PILRA: variants seen among roughly 807,000 people sequenced by gnomAD.
PILRA encodes paired immunoglobulin-like type 2 receptor alpha.
Under a neutral mutation model 33.1 loss-of-function variants are expected in PILRA, and 37 were observed. The ratio of observed to expected loss-of-function variants is 1.12; its 90% CI spans 0.86 to 1.47. The LOEUF is 1.47. Among genes scored for constraint, PILRA ranks in the 40% most tolerant of loss-of-function variants. PILRA has a pLI of 0.00. For synonymous variants in PILRA, 146 were observed against 149.9 expected (o/e 0.97, Z 0.19); for missense variants, 312 against 376.2 (o/e 0.83, Z 1.41).
At chr7:100,383,581 A>G (rs1791171865) in intron 2 of PILRA, among the ~76,000 whole-genome samples, 1 of 151,578 alleles carries the variant, frequency 6.6e-6, no homozygotes, top group Non-Finnish European at 1.5e-5. Flanking sequence ...TCTGAGTGCC[A>G]TGGGAGCGAA....
chr7:100,376,976 C>G (rs1660599130), intron 2 of PILRA, among the ~76,000 whole-genome samples: 1 of 151,472 alleles, frequency 6.6e-6, no homozygotes, highest in African/African-American at 2.4e-5. Flanking sequence ...GTTGCCCAGG[C>G]TGGTCTCAAA....
intron 2 of PILRA, among the ~76,000 whole-genome samples, chr7:100,375,023 C>G (rs1790913773): frequency 6.6e-6 from 1 of 152,140 alleles, no homozygotes; most frequent in South Asian, 2.1e-4. Flanking sequence ...TGTCCTTCAG[C>G]TCCTCCCTGA....
At chr7:100,386,709 G>A (rs1485161967) in intron 2 of PILRA, among the ~76,000 whole-genome samples, 2 of 151,470 alleles carry the variant, frequency 1.3e-5, no homozygotes, top group Non-Finnish European at 2.9e-5. Context: ...TAGGGACCAG[G>A]GGGAGCGGGG....
chr7:100,395,733 G>T (rs1197874334), intron 3 of PILRA, among the ~76,000 whole-genome samples: 1 of 152,116 alleles, frequency 6.6e-6, no homozygotes, highest in Non-Finnish European at 1.5e-5. Flanking sequence ...GACAAGTGTT[G>T]GGAAGAATGT....
Position 100,390,027 on chromosome 7 carries a change from G to T in PILRA, c.594G>T (p.Val198=), listed in dbSNP as rs754252553. ...GGCACATAAGTCTGGAGACTGCTGT[G>T]GGGGTGGCAGTGGCTGTCACTGTGC... ...DSWHISLETA[V]GVAVAVTVLG... is the part of the protein sequence containing the mutation. Residue 198 remains valine, a synonymous_variant, in exon 3 of 7, where the codon GTG becomes GTT. Transcript: ENST00000198536. The T allele has an allele frequency of 6.2e-6, 10 of 1,613,996 alleles. No homozygotes were observed. In the East Asian group the frequency reaches 8.9e-5, roughly 14 times the overall value.
At position 100,395,666 on chromosome 7, in the gene PILRA, C is replaced by G. The variant is rs191945762; in HGVS notation, c.674-2213C>G. 3.3e-3 allele frequency among the ~76,000 whole-genome samples: 502 copies of G among 152,150 alleles called. 4 individuals carry two copies. Among genetic ancestry groups the G allele is most frequent in the African/African-American group, 0.011 (474 of 41,502 alleles). ...ATCAGAGAAATGCAAATCAGAACTACAGAGAGCTATCTCCTTATACCCAGA... is the reference window on the plus strand; with the variant it reads ...ATCAGAGAAATGCAAATCAGAACTAGAGAGAGCTATCTCCTTATACCCAGA... On this transcript the variant is annotated intron_variant, in intron 3 of 6. Transcript: ENST00000198536.
intron 2 of PILRA, chr7:100,376,215 G>T (rs1428324124): frequency 6.6e-6 from 1 of 152,104 alleles, no homozygotes; most frequent in Non-Finnish European, 1.5e-5. Flanking sequence ...ATGGAAAGTG[G>T]CTCCATAATC....
intron 2 of PILRA, among the ~76,000 whole-genome samples, chr7:100,384,845 C>G (rs1380874645): frequency 2.6e-5 from 4 of 151,994 alleles, no homozygotes; most frequent in Non-Finnish European, 5.9e-5. Context: ...GTGAGTGTGG[C>G]TAGAGAGGAA....
intron 4 of PILRA, among the ~76,000 whole-genome samples, chr7:100,398,662 T>G (rs550645626): frequency 6.6e-6 from 1 of 152,296 alleles, no homozygotes; most frequent in South Asian, 2.1e-4. Context: ...TTCTCCCAGT[T>G]TTAGCCAAGG....
chr7:100,377,315 G>A (rs1472934869), intron 2 of PILRA, among the ~76,000 whole-genome samples: 1 of 135,056 alleles, frequency 7.4e-6, no homozygotes, highest in South Asian at 2.3e-4. Context: ...ATCTCGGCTC[G>A]CTGCAAACTC....
chr7:100,386,837 A>G (rs1791265437), intron 2 of PILRA, among the ~76,000 whole-genome samples: 1 of 152,178 alleles, frequency 6.6e-6, no homozygotes, highest in Non-Finnish European at 1.5e-5. Context: ...CTTTAAAAAA[A>G]AAAAAACGAC....
At position 100,400,018 on chromosome 7, in the gene PILRA, A is replaced by AG; in HGVS notation, c.*114dup. ...CAGAATCAAGTGAGCCCAGGAGTTCAGGGCCAGCTTTGATAATGGAGCGAG... is the reference window on the plus strand; with the variant it reads ...CAGAATCAAGTGAGCCCAGGAGTTCAGGGGCCAGCTTTGATAATGGAGCGAG... On this transcript the variant is annotated 3_prime_UTR_variant, in exon 7 of 7. Transcript: ENST00000198536. 1 of 1,128,692 alleles carries AG rather than the reference A, an allele frequency of 8.9e-7. No homozygotes were observed. The highest frequency in any genetic ancestry group is 1.2e-6 in the Non-Finnish European group (1 of 831,350). The allele number at this position is 1,128,692 out of a possible 1,614,324, so 69.9% of individuals were successfully genotyped here.
chr7:100,377,231 CTTTTTTTTTTT>C (rs761225046), intron 2 of PILRA, among the ~76,000 whole-genome samples: 22 of 100,940 alleles, frequency 2.2e-4, no homozygotes, highest in Non-Finnish European at 3.5e-4. Context: ...TTTTCTATTT[CTTTTTTTTTTT>C]TTTTTTTTTT....
Position 100,390,023 on chromosome 7 carries a change from C to T in PILRA, c.590C>T (p.Ala197Val), listed in dbSNP as rs1265277614. The T allele has an allele frequency of 1.2e-6, 2 of 1,614,020 alleles. No individual in the cohort carries two copies. The highest frequency in any genetic ancestry group is 1.7e-6 in the Non-Finnish European group (2 of 1,180,002). ...TCTTGGCACATAAGTCTGGAGACTG[C>T]TGTGGGGGTGGCAGTGGCTGTCACT... Reference protein sequence around the residue: ...SDSWHISLETAVGVAVAVTVL... With the variant: ...SDSWHISLETVVGVAVAVTVL... The change falls in exon 3 of 7, where the codon GCT becomes GTT. Residue 197 changes from alanine (A) to valine (V), a missense_variant. Physicochemically the swap from Ala to Val is moderately conservative, Grantham distance 64 (BLOSUM62 0). Coordinates refer to ENST00000198536, the MANE Select transcript of PILRA (RefSeq NM_013439.3).
At chr7:100,375,207 C>A (rs969435261) in intron 2 of PILRA, among the ~76,000 whole-genome samples, 3 of 152,184 alleles carry the variant, frequency 2.0e-5, no homozygotes, top group African/African-American at 7.2e-5. Flanking sequence ...TCCTTCCCAA[C>A]ACTAAGGGAT....
upstream of PILRA, among the ~76,000 whole-genome samples, chr7:100,371,619 C>T (rs570196338): frequency 8.5e-5 from 13 of 152,282 alleles, no homozygotes; most frequent in Admixed American, 5.2e-4. Context: ...TCCCCACACA[C>T]GACTTCCCAC....
intron 2 of PILRA, 103 bp downstream of exon 2, chr7:100,374,536 A>T: frequency 7.2e-7 from 1 of 1,389,394 alleles, no homozygotes; most frequent in Non-Finnish European, 1.0e-6. Context: ...TCTTCTGACG[A>T]CCCCTAAGTT....
At chr7:100,389,842 CCT>C in intron 2 of PILRA, 44 bp from the exon 3 acceptor site, 2 of 1,540,494 alleles carry the variant, frequency 1.3e-6, no homozygotes, top group Non-Finnish European at 1.8e-6. Context: ...ACCCAGACAC[CCT>C]GTGCCCCCAG....
chr7:100,385,953 G>A (rs1303011092), intron 2 of PILRA, among the ~76,000 whole-genome samples: 7 of 148,572 alleles, frequency 4.7e-5, no homozygotes, highest in Non-Finnish European at 1.0e-4. Context: ...TTTTTGAGAC[G>A]GAGTTTCAAT....
Sources: allele counts gnomAD v4.1 joint callset (sites outside exome capture counted in the v4.1 genomes callset), GRCh38; gene constraint gnomAD v4.1.1; transcripts MANE v1.5; gene names NCBI Gene and HGNC (gene_info 2026-07-23, HGNC 2026-07-21).